UPK3BL2: variants seen among roughly 807,000 people sequenced by gnomAD.
The protein encoded by UPK3BL2 is uroplakin 3B like 2, also known as uroplakin-3b-like protein 2.
A neutral mutation model predicts 11.3 loss-of-function variants in UPK3BL2; 1 was observed. The observed-to-expected ratio is 0.09, with a 90% CI of 0.03 to 0.42. The LOEUF (loss-of-function observed/expected upper bound fraction) is 0.42. Ranked by LOEUF, UPK3BL2 falls within the 10% of genes least tolerant of loss-of-function variation. The pLI, the probability that UPK3BL2 is intolerant of heterozygous loss-of-function variation, is 0.98.
intron 3 of UPK3BL2, among the ~76,000 whole-genome samples, chr7:102,540,855 CAAAAAAAAAAAAAAAAAAAA>C (rs1158192702): frequency 1.6e-5 from 1 of 61,266 alleles, no homozygotes; most frequent in African/African-American, 4.8e-5. Context: ...AAAAACAAAA[CAAAAAAAAAAAAAAAAAAAA>C]AGAAGAAAAG....
At chr7:102,539,830 C>T in intron 4 of UPK3BL2, 104 bp from the exon 5 acceptor site, 1 of 146,146 alleles carries the variant, frequency 6.8e-6, no homozygotes, top group African/African-American at 7.4e-5. Flanking sequence ...CCCTGCCTCC[C>T]CTACTACCAC....
At chr7:102,542,953 G>A (rs1218848677) in intron 1 of UPK3BL2, among the ~76,000 whole-genome samples, 4 of 152,122 alleles carry the variant, frequency 2.6e-5, no homozygotes, top group Non-Finnish European at 1.5e-5. Flanking sequence ...AGCCGAGATC[G>A]CGCCACTGTA....
At chr7:102,542,577 A>C in intron 1 of UPK3BL2, 1 of 984,986 alleles carries the variant, frequency 1.0e-6, no homozygotes, top group East Asian at 1.1e-4. Flanking sequence ...CGTTGAATTC[A>C]ACTCAACTCC....
Position 102,541,593 on chromosome 7 carries a change from G to GA in UPK3BL2, c.181dup (p.Ser61PhefsTer19), listed in dbSNP as rs758206258. ...TAGAGGCTGCTCCAGCGTGAAGGTG[G>GA]ACAGGGTGAGCCTCCCCGCCAAGGT... On this transcript the variant is annotated frameshift_variant, in exon 2 of 6. Transcript: ENST00000644544. LOFTEE classifies it high-confidence loss of function. 1.5e-3 allele frequency: 2,269 copies of GA among 1,526,218 alleles called. No individual in the cohort carries two copies. In the African/African-American group the frequency reaches 0.029, roughly 19 times the overall value. The allele number at this position is 1,526,218 out of a possible 1,614,324, so 94.5% of individuals were successfully genotyped here.
intron 3 of UPK3BL2, among the ~76,000 whole-genome samples, chr7:102,540,855 C>CAAACAAAAAAAAA (rs1800225599): frequency 1.6e-4 from 10 of 61,266 alleles, no homozygotes; most frequent in African/African-American, 4.8e-4. Flanking sequence ...AAAAACAAAA[C>CAAACAAAAAAAAA]AAAAAAAAAA....
intron 1 of UPK3BL2, chr7:102,542,114 GTGGCT>G (rs1800297776): frequency 1.0e-6 from 1 of 973,652 alleles, no homozygotes; most frequent in Admixed American, 6.2e-5. Context: ...GAGAGGATGC[GTGGCT>G]TGGCAGGGGT....
chr7:102,543,315 G>GA (rs1174734421), intron 1 of UPK3BL2, among the ~76,000 whole-genome samples: 8 of 123,690 alleles, frequency 6.5e-5, no homozygotes, highest in African/African-American at 2.2e-4. Context: ...AAATCTTTTT[G>GA]AAAAAAGGGG....
chr7:102,542,267 C>CT (rs1402419213), intron 1 of UPK3BL2: 1 of 978,120 alleles, frequency 1.0e-6, no homozygotes, highest in African/African-American at 1.7e-5. Flanking sequence ...GCCTGGTTCT[C>CT]TGCCGCCTCC....
intron 1 of UPK3BL2, among the ~76,000 whole-genome samples, chr7:102,542,942 G>A (rs1412156206): frequency 6.6e-6 from 1 of 152,174 alleles, no homozygotes; most frequent in Non-Finnish European, 1.5e-5. Flanking sequence ...AGGTTGTGGT[G>A]AGCCGAGATC....
rs374079023 is a variant in UPK3BL2 at position 102,540,886 on chromosome 7, GAAAA to G, written c.485+203_485+206del. ...AAAAAAAAAAAAAAAAGAAGAAAAG[GAAAA>G]AAAAAAAAAAGAGAAGAAGGATAAT... is the stretch of plus-strand genomic sequence containing the variant. On this transcript the variant is annotated intron_variant, in intron 3 of 5. Coordinates refer to ENST00000644544, the Ensembl canonical transcript of UPK3BL2. 8.7e-4 allele frequency among the ~76,000 whole-genome samples: 64 copies of G among 73,288 alleles called. 1 individual carries two copies. The highest frequency in any genetic ancestry group is 1.9e-3 in the Admixed American group (13 of 6,720). 48.1% of individuals were successfully genotyped at this position (73,288 alleles called of 152,430 possible). A position where few individuals can be genotyped will look rare whatever the true frequency, so the allele number is the denominator to read the frequency against.
At chr7:102,538,271 C>T (rs1800149793), downstream of UPK3BL2, 8 of 399,722 alleles carry the variant, frequency 2.0e-5, no homozygotes, top group Non-Finnish European at 3.5e-5. Context: ...CAGAGTGAGA[C>T]TCCGTCTCAA....
chr7:102,543,094 T>C (rs534042061), intron 1 of UPK3BL2, among the ~76,000 whole-genome samples: 37 of 150,544 alleles, frequency 2.5e-4, no homozygotes, highest in African/African-American at 8.7e-4. Context: ...GCAGAGATTG[T>C]AGGACTGTAT....
chr7:102,540,877 G>GAAAAAAAAAAAAAAA (rs1800237802), intron 3 of UPK3BL2, among the ~76,000 whole-genome samples: 1 of 68,330 alleles, frequency 1.5e-5, no homozygotes, highest in Non-Finnish European at 3.1e-5. Context: ...AAAAAAAAAA[G>GAAAAAAAAAAAAAAA]AAGAAAAGGA....
At position 102,541,649 on chromosome 7, in the gene UPK3BL2, GT is replaced by G. The variant is rs1432745150; in HGVS notation, c.125del (p.His42ProfsTer28). 2 of 1,548,394 alleles carry G rather than the reference GT, an allele frequency of 1.3e-6. No individual in the cohort carries two copies. The highest frequency in any genetic ancestry group is 1.7e-6 in the Non-Finnish European group (2 of 1,146,122). The stretch of plus-strand genomic sequence containing the variant: ...TTGAGAGCTGGGGCACATAGCTGAT[GT>G]GCTCTGGGGCAGCTGGAAGGGGAGG... On this transcript the variant is annotated frameshift_variant, in exon 2 of 6. Coordinates refer to ENST00000644544, the Ensembl canonical transcript of UPK3BL2. LOFTEE classifies it high-confidence loss of function.
At chr7:102,540,855 C>CAAAACAAAACAAAAAA (rs1479651896) in intron 3 of UPK3BL2, among the ~76,000 whole-genome samples, 2 of 61,280 alleles carry the variant, frequency 3.3e-5, no homozygotes, top group Admixed American at 2.1e-4. Flanking sequence ...AAAAACAAAA[C>CAAAACAAAACAAAAAA]AAAAAAAAAA....
chr7:102,540,865 A>AG (rs1800232240), intron 3 of UPK3BL2, among the ~76,000 whole-genome samples: 1 of 121,652 alleles, frequency 8.2e-6, no homozygotes. Context: ...CAAAAAAAAA[A>AG]AAAAAAAAAA....
intron 1 of UPK3BL2, chr7:102,542,256 T>C (rs1800304571): frequency 1.0e-6 from 1 of 979,970 alleles, no homozygotes; most frequent in African/African-American, 1.7e-5. Context: ...CTCTTCAACC[T>C]GCCTGGTTCT....
At chr7:102,541,707 GC>G in intron 1 of UPK3BL2, 45 bp from the exon 2 acceptor site, 1 of 1,544,786 alleles carries the variant, frequency 6.5e-7, no homozygotes, top group South Asian at 1.2e-5. Context: ...GGGCAACCAA[GC>G]CCCAACAGCT....
intron 1 of UPK3BL2, among the ~76,000 whole-genome samples, chr7:102,542,923 G>A (rs1366576404): frequency 3.3e-5 from 5 of 152,148 alleles, no homozygotes; most frequent in Non-Finnish European, 7.4e-5. Context: ...GCTTGAACCC[G>A]AGAGGCGGAG....
Sources: allele counts gnomAD v4.1 joint callset (sites outside exome capture counted in the v4.1 genomes callset), GRCh38; gene constraint gnomAD v4.1.1; transcripts MANE v1.5; gene names NCBI Gene and HGNC (gene_info 2026-07-23, HGNC 2026-07-21).